The following UBE3B variants were observed in gnomAD, a reference collection of about 807,000 sequenced individuals.
UBE3B encodes ubiquitin-protein ligase E3B.
A neutral mutation model predicts 132.3 loss-of-function variants in UBE3B; 80 were observed. That is an observed-to-expected ratio of 0.60 (90% CI 0.50 to 0.73). The LOEUF (loss-of-function observed/expected upper bound fraction) is 0.73. UBE3B is among the 30% of genes least tolerant of loss of function. UBE3B has a pLI of 0.00. For synonymous variants in UBE3B, 487 were observed against 520.4 expected (o/e 0.94, Z 0.87); for missense variants, 1,196 against 1,362.5 (o/e 0.88, Z 1.92).
Position 109,530,085 on chromosome 12 carries a change from T to TG in UBE3B, c.2810+19dup. On this transcript the variant is annotated intron_variant, in intron 25 of 27. Transcript: ENST00000342494. ...TGGAAGATTTAAAGTAAGAGGCGGG[T>TG]GGGGGGAAGGGTGAAATTCCTTGGC... 6.3e-7 allele frequency: 1 copy of TG among 1,583,514 alleles called. No individual in the cohort carries two copies.
At chr12:109,544,815 C>T in the UBE3B span, among the ~76,000 whole-genome samples, 38 of 152,346 alleles carry the variant, frequency 2.5e-4, no homozygotes, top group Non-Finnish European at 4.3e-4. Context: ...TTCTCCATAA[C>T]GCTGGTCGGC....
chr12:109,495,065 A>G (rs907370964), intron 9 of UBE3B, among the ~76,000 whole-genome samples: 4 of 152,254 alleles, frequency 2.6e-5, no homozygotes, highest in South Asian at 2.1e-4. Context: ...TCTAACCTGC[A>G]GAAAAGAACA....
intron 11 of UBE3B, among the ~76,000 whole-genome samples, chr12:109,498,624 G>C (rs1465775399): frequency 1.3e-5 from 2 of 152,190 alleles, no homozygotes; most frequent in African/African-American, 4.8e-5. Flanking sequence ...AAGTGAAAAT[G>C]TGGTGAATTG....
At chr12:109,506,700 T>C (rs1425253781) in intron 14 of UBE3B, among the ~76,000 whole-genome samples, 2 of 152,202 alleles carry the variant, frequency 1.3e-5, no homozygotes, top group Non-Finnish European at 2.9e-5. Context: ...TGTGCTGTAG[T>C]GGTAGCACTG....
chr12:109,541,466 C>T (rs138567017), downstream of UBE3B, among the ~76,000 whole-genome samples: 217 of 152,360 alleles, frequency 1.4e-3, 2 homozygotes, highest in African/African-American at 4.8e-3. Flanking sequence ...GAGGATTAAA[C>T]GAGGTCACAT....
Position 109,534,187 on chromosome 12 carries a change from A to G in UBE3B, c.3016-404A>G. On this transcript the variant is annotated intron_variant, in intron 27 of 27. Transcript: ENST00000342494. This position sits in a 1 kb window ranked among gnomAD's most constrained non-coding sequence, Gnocchi z 5.2. ...ACACAGTCCTCGGCCTCCATGCTTA[A>G]GGGAAAGTTGGCCCAAGTCATGGTC... 8.1e-7 allele frequency: 1 copy of G among 1,235,690 alleles called. No homozygotes were observed. Among genetic ancestry groups the G allele is most frequent in the Non-Finnish European group, 1.0e-6 (1 of 968,714 alleles). 76.5% of individuals were successfully genotyped at this position (1,235,690 alleles called of 1,614,324 possible). A position where few individuals can be genotyped will look rare whatever the true frequency, so the allele number is the denominator to read the frequency against.
downstream of UBE3B, among the ~76,000 whole-genome samples, chr12:109,538,890 A>C (rs545168447): frequency 2.9e-4 from 44 of 152,274 alleles, no homozygotes; most frequent in African/African-American, 1.1e-3. This position sits in a 1 kb window ranked among gnomAD's most constrained non-coding sequence, Gnocchi z 4.1. Flanking sequence ...GCCTCAGGGC[A>C]CCTCACTGTG....
At chr12:109,498,057 G>C (rs1878464110) in intron 10 of UBE3B, 134 bp downstream of exon 10, 2 of 1,303,752 alleles carry the variant, frequency 1.5e-6, no homozygotes, top group Non-Finnish European at 1.1e-6. Context: ...CAGTGGCCGT[G>C]ATAGACACAT....
intron 8 of UBE3B, chr12:109,490,404 T>C: frequency 6.6e-7 from 1 of 1,523,214 alleles, no homozygotes; most frequent in Non-Finnish European, 8.8e-7. Flanking sequence ...TAGGGAATTG[T>C]TGAGAAAGCC....
At position 109,487,866 on chromosome 12, in the gene UBE3B, A is replaced by G. The variant is rs534577988; in HGVS notation, c.448-706A>G. On this transcript the variant is annotated intron_variant, in intron 6 of 27. Transcript: ENST00000342494. ...ACTGTCGATGAGCTTTGAGGTTTGA[A>G]CTCAGTGGTCTCCAAGGTTGTCTCC... is the stretch of plus-strand genomic sequence containing the variant. 1.1e-4 allele frequency among the ~76,000 whole-genome samples: 16 copies of G among 152,146 alleles called. 2 individuals carry two copies. In the South Asian group the frequency reaches 3.3e-3, roughly 32 times the overall value.
At chr12:109,503,302 G>A (rs1879227916) in intron 14 of UBE3B, 112 bp downstream of exon 14, 1 of 1,408,930 alleles carries the variant, frequency 7.1e-7, no homozygotes, top group African/African-American at 1.4e-5. Flanking sequence ...AGATTCTGAA[G>A]GAGGGCATTT....
At chr12:109,485,925 C>A in intron 4 of UBE3B, 87 bp from the exon 5 acceptor site, 1 of 1,452,184 alleles carries the variant, frequency 6.9e-7, no homozygotes, top group South Asian at 1.2e-5. Context: ...CCTGCACGTG[C>A]CAGGTACCCG....
At chr12:109,500,568 C>T (rs1878842408) in intron 12 of UBE3B, among the ~76,000 whole-genome samples, 1 of 152,182 alleles carries the variant, frequency 6.6e-6, no homozygotes, top group South Asian at 2.1e-4. Context: ...CCTGCCCCAG[C>T]GTGACACCTC....
chr12:109,496,350 G>T (rs377643944), intron 9 of UBE3B, among the ~76,000 whole-genome samples: 1 of 152,164 alleles, frequency 6.6e-6, no homozygotes, highest in East Asian at 1.9e-4. Context: ...GAACATTTAT[G>T]TACAAGTTTT....
intron 8 of UBE3B, 84 bp downstream of exon 8, chr12:109,490,088 C>G: frequency 3.0e-6 from 4 of 1,331,854 alleles, no homozygotes; most frequent in Non-Finnish European, 4.3e-6. Flanking sequence ...TTCAGCATAC[C>G]TGGTGTCCTC....
intron 24 of UBE3B, 54 bp from the exon 25 acceptor site, chr12:109,529,836 C>T: frequency 1.9e-6 from 3 of 1,600,502 alleles, no homozygotes; most frequent in Non-Finnish European, 2.6e-6. Context: ...CCATTGGTGA[C>T]AGCCTGCCCC....
intron 18 of UBE3B, among the ~76,000 whole-genome samples, chr12:109,514,589 A>C (rs955547200): frequency 6.6e-6 from 1 of 152,058 alleles, no homozygotes; most frequent in African/African-American, 2.4e-5. Context: ...GCACCCCTTC[A>C]GGTGGTCATG....
chr12:109,508,047 A>G (rs1181927418), intron 15 of UBE3B, among the ~76,000 whole-genome samples: 1 of 152,164 alleles, frequency 6.6e-6, no homozygotes, highest in African/African-American at 2.4e-5. Context: ...TGCTAGCTAG[A>G]TTCCTGGAAA....
chr12:109,527,691 TG>T (rs1882500512), intron 24 of UBE3B, among the ~76,000 whole-genome samples: 1 of 152,068 alleles, frequency 6.6e-6, no homozygotes, highest in East Asian at 1.9e-4. Flanking sequence ...AAGTGCAGAT[TG>T]GGAGGGACTG....
Sources: allele counts gnomAD v4.1 joint callset (sites outside exome capture counted in the v4.1 genomes callset), GRCh38; gene constraint gnomAD v4.1.1; non-coding constraint Gnocchi (gnomAD v3.1); transcripts MANE v1.5; gene names NCBI Gene and HGNC (gene_info 2026-07-23, HGNC 2026-07-21).